The following CDH4 variants were observed in gnomAD, a reference collection of about 807,000 sequenced individuals.
CDH4 encodes the protein cadherin-4.
Under a neutral mutation model 86.0 loss-of-function variants are expected in CDH4, and 33 were observed. The ratio of observed to expected loss-of-function variants is 0.38; its 90% CI spans 0.29 to 0.51. The LOEUF (loss-of-function observed/expected upper bound fraction) is 0.51, where lower values mean the gene tolerates loss of function less well. CDH4 is among the 20% of genes least tolerant of loss of function. CDH4 has a pLI of 0.86. For synonymous variants in CDH4, 555 were observed against 549.4 expected (o/e 1.01, Z -0.14); for missense variants, 1,114 against 1,307.4 (o/e 0.85, Z 2.28).
At chr20:61,790,980 C>A (rs1464847771) in intron 4 of CDH4, among the ~76,000 whole-genome samples, 1 of 152,250 alleles carries the variant, frequency 6.6e-6, no homozygotes, top group Non-Finnish European at 1.5e-5. Flanking sequence ...AGTGCTCTCA[C>A]CCTCAGACTA....
intron 2 of CDH4, among the ~76,000 whole-genome samples, chr20:61,463,870 G>T (rs1383755931): frequency 1.3e-5 from 2 of 152,202 alleles, no homozygotes; most frequent in East Asian, 3.9e-4. Flanking sequence ...GCCATCAGGG[G>T]ATCAGGGAGG....
intron 9 of CDH4, among the ~76,000 whole-genome samples, chr20:61,915,155 A>G (rs553398147): frequency 2.1e-3 from 327 of 152,318 alleles, no homozygotes; most frequent in African/African-American, 7.6e-3. Flanking sequence ...CACAGTGGGG[A>G]CTGTACAAGC....
rs73917137 is a variant in CDH4, at chr20:61,916,105, A to G, written c.1374+5498A>G. Among the ~76,000 whole-genome samples the G allele has an allele frequency of 9.3e-3, 1,325 of 143,124 alleles. 17 individuals carry two copies. Among genetic ancestry groups the G allele is most frequent in the African/African-American group, 0.032 (1,240 of 38,508 alleles). The allele number at this position is 143,124 out of a possible 152,430, so 93.9% of individuals were successfully genotyped here. A position where few individuals can be genotyped will look rare whatever the true frequency, so the allele number is the denominator to read the frequency against. On this transcript the variant is annotated intron_variant, in intron 9 of 15. Transcript: ENST00000614565. ...CTGGGGATGCTTCGCCTTAGAAAACATTTCCAAAATTGGTTTTGCATTCTT... is the reference window on the plus strand; with the variant it reads ...CTGGGGATGCTTCGCCTTAGAAAACGTTTCCAAAATTGGTTTTGCATTCTT...
At chr20:61,771,010 C>CTTTT (rs756131628) in intron 3 of CDH4, among the ~76,000 whole-genome samples, 1 of 130,374 alleles carries the variant, frequency 7.7e-6, no homozygotes, top group Non-Finnish European at 1.6e-5. Flanking sequence ...TTCTTTTTTT[C>CTTTT]TTTTTTTTTT....
At chr20:61,661,088 G>GA (rs1011983822) in intron 2 of CDH4, among the ~76,000 whole-genome samples, 1 of 144,662 alleles carries the variant, frequency 6.9e-6, no homozygotes, top group Admixed American at 6.8e-5. Context: ...GCATGGCGGG[G>GA]GGGGGGGAGA....
chr20:61,423,370 A>G (rs1323071551), intron 2 of CDH4, among the ~76,000 whole-genome samples: 2 of 152,114 alleles, frequency 1.3e-5, no homozygotes, highest in Non-Finnish European at 2.9e-5. Flanking sequence ...TTCTTTCTAA[A>G]TATCATGTCC....
At chr20:61,372,069 C>G (rs1375822403) in intron 2 of CDH4, among the ~76,000 whole-genome samples, 2 of 152,188 alleles carry the variant, frequency 1.3e-5, no homozygotes, top group African/African-American at 4.8e-5. Flanking sequence ...TACTTTTGCT[C>G]CACATTTGTC....
In CDH4 at chr20:61,932,990, G is replaced by A. The variant is rs1212472736; in HGVS notation, c.2245G>A (p.Val749Ile). ...CGGGCAGCCCTCCCCCACAGCCATGGTCCTGCTGTTTGTCATGTGGATGAA... is the reference window on the plus strand; with the variant it reads ...CGGGCAGCCCTCCCCCACAGCCATGATCCTGCTGTTTGTCATGTGGATGAA... The part of the protein sequence containing the change: ...LICILILLTM[V>I]LLFVMWMKRR... Residue 749 changes from valine to isoleucine, a missense_variant, in exon 14 of 16, where the codon GTC becomes ATC. Around this residue, in one of 3 missense-constraint regions of CDH4, gnomAD observed 705 missense variants for 914.1 expected, o/e 0.77. Transcript: ENST00000614565. 2.5e-6 allele frequency: 4 copies of A among 1,613,040 alleles called. No individual in the cohort carries two copies. Among genetic ancestry groups the A allele is most frequent in the East Asian group, 2.2e-5 (1 of 44,870 alleles).
At chr20:61,375,886 ATGGTG>A (rs2084866947) in intron 2 of CDH4, among the ~76,000 whole-genome samples, 2 of 6,064 alleles carry the variant, frequency 3.3e-4, no homozygotes, top group East Asian at 4.4e-3. Flanking sequence ...GGTGGTGGTG[ATGGTG>A]TGGTTTGTTG....
intron 2 of CDH4, among the ~76,000 whole-genome samples, chr20:61,667,466 A>C (rs1199071471): frequency 6.6e-6 from 1 of 152,232 alleles, no homozygotes; most frequent in Non-Finnish European, 1.5e-5. Flanking sequence ...TTGGGACTCA[A>C]AGGCGGATCT....
intron 2 of CDH4, among the ~76,000 whole-genome samples, chr20:61,640,229 C>T (rs2086990843): frequency 6.6e-6 from 1 of 152,234 alleles, no homozygotes; most frequent in African/African-American, 2.4e-5. Context: ...CCCAGGCCAG[C>T]CTTGCGGCCT....
At chr20:61,478,653 G>A (rs1232725241) in intron 2 of CDH4, among the ~76,000 whole-genome samples, 1 of 152,222 alleles carries the variant, frequency 6.6e-6, no homozygotes, top group Non-Finnish European at 1.5e-5. Flanking sequence ...TGGTTCTACA[G>A]GTCTACCAAG....
intron 2 of CDH4, among the ~76,000 whole-genome samples, chr20:61,422,477 C>T (rs2085185636): frequency 7.9e-6 from 1 of 126,934 alleles, no homozygotes; most frequent in Admixed American, 8.4e-5. Flanking sequence ...ACCAAATCTC[C>T]CCAAGTGTCT....
intron 3 of CDH4, among the ~76,000 whole-genome samples, chr20:61,755,772 A>G (rs1260106748): frequency 6.8e-6 from 1 of 146,402 alleles, no homozygotes; most frequent in Non-Finnish European, 1.5e-5. Flanking sequence ...CACTACACAC[A>G]TATACACACC....
At chr20:61,404,375 T>G (rs2085067819) in intron 2 of CDH4, among the ~76,000 whole-genome samples, 1 of 152,178 alleles carries the variant, frequency 6.6e-6, no homozygotes, top group Non-Finnish European at 1.5e-5. Flanking sequence ...TTCACACCTT[T>G]CACCCTCCTC....
chr20:61,404,053 T>C (rs2085065324), intron 2 of CDH4, among the ~76,000 whole-genome samples: 1 of 152,200 alleles, frequency 6.6e-6, no homozygotes, highest in South Asian at 2.1e-4. Flanking sequence ...TCACATGCCG[T>C]TGATCAGAAA....
At chr20:61,442,365 A>G (rs2085319110) in intron 2 of CDH4, among the ~76,000 whole-genome samples, 1 of 152,206 alleles carries the variant, frequency 6.6e-6, no homozygotes, top group Admixed American at 6.5e-5. Context: ...TTAAACAAAC[A>G]TCATTATTAT....
intron 4 of CDH4, among the ~76,000 whole-genome samples, chr20:61,820,525 C>T (rs1980962343): frequency 3.3e-5 from 5 of 152,212 alleles, no homozygotes; most frequent in Admixed American, 2.6e-4. Flanking sequence ...CTGTCCACAC[C>T]GATCCTCACG....
intron 2 of CDH4, among the ~76,000 whole-genome samples, chr20:61,473,124 T>G (rs2085515145): frequency 6.6e-6 from 1 of 152,186 alleles, no homozygotes. Flanking sequence ...ATGTGGAGTT[T>G]GGGAAGAGAT....
Sources: gnomAD v4.1 joint callset for allele counts (sites outside exome capture counted in the v4.1 genomes callset) on GRCh38, gnomAD v4.1.1 for gene constraint, gnomAD v4.1.1 regional missense constraint, MANE v1.5 for transcripts, NCBI Gene and HGNC (gene_info 2026-07-23, HGNC 2026-07-21) for gene names.